DYM: variants seen among roughly 807,000 people sequenced by gnomAD.
DYM encodes the protein dymeclin, also known as dyggve-Melchior-Clausen syndrome protein.
Under a neutral mutation model 93.1 loss-of-function variants are expected in DYM, and 78 were observed. That is an observed-to-expected ratio of 0.84 (90% CI 0.70 to 1.01). The LOEUF (loss-of-function observed/expected upper bound fraction) is 1.01, where lower values mean the gene tolerates loss of function less well. DYM is among the 50% of genes least tolerant of loss of function. DYM has a pLI of 0.00. For synonymous variants in DYM, 321 were observed against 319.7 expected (o/e 1.00, Z -0.04); for missense variants, 789 against 845.0 (o/e 0.93, Z 0.82).
intron 14 of DYM, among the ~76,000 whole-genome samples, chr18:49,198,634 T>C (rs1391511628): frequency 1.3e-5 from 2 of 151,712 alleles, no homozygotes; most frequent in African/African-American, 2.4e-5. Context: ...AAAATGCTCA[T>C]CATCACTGGC....
intron 13 of DYM, among the ~76,000 whole-genome samples, chr18:49,244,510 G>A (rs2094120207): frequency 6.6e-6 from 1 of 152,182 alleles, no homozygotes; most frequent in Non-Finnish European, 1.5e-5. Flanking sequence ...AGAAGCACTG[G>A]CAAAGGAAGG....
At position 49,042,257 on chromosome 18, in the gene DYM, G is replaced by C. The variant is rs1471895693; in HGVS notation, c.*1798C>G. The C allele has an allele frequency of 6.5e-6, 1 of 152,822 alleles. No individual in the cohort carries two copies. The highest frequency in any genetic ancestry group is 2.1e-4 in the South Asian group (1 of 4,828). The allele number at this position is 152,822 out of a possible 1,614,324, so 9.5% of individuals were successfully genotyped here. On this transcript the variant is annotated 3_prime_UTR_variant, in exon 18 of 18. Transcript: ENST00000675505. ...CCCCACTCCAGCAGTGACTGGAGGA[G>C]GCCTGACAGAACAAGCCCCTTGGGG...
intron 11 of DYM, among the ~76,000 whole-genome samples, chr18:49,265,014 T>A (rs983260684): frequency 3.3e-5 from 5 of 152,224 alleles, no homozygotes; most frequent in African/African-American, 1.2e-4. Context: ...TTCATGCTCA[T>A]TAAATGCTTA....
intron 2 of DYM, among the ~76,000 whole-genome samples, chr18:49,407,111 T>C (rs1030961200): frequency 1.3e-5 from 2 of 152,188 alleles, no homozygotes; most frequent in Non-Finnish European, 2.9e-5. Flanking sequence ...TGTTACGTAA[T>C]GTAAAATTCC....
rs546658169 is a variant in DYM, at chr18:49,305,417, T to C, written c.764-18801A>G. Among the ~76,000 whole-genome samples the C allele has an allele frequency of 5.9e-5, 9 of 152,290 alleles. No homozygotes were observed. The South Asian group carries it at 1.5e-3, about 25-fold the overall frequency. ...TAGTCCCTGGGGAAACCTATTGTTC[T>C]CTTTAAACTTCTAACAACAATCCCT... On this transcript the variant is annotated intron_variant, in intron 8 of 17. Coordinates refer to ENST00000675505, the MANE Select transcript of DYM (RefSeq NM_001353214.3).
chr18:49,262,339 G>T (rs1345401785), intron 11 of DYM, among the ~76,000 whole-genome samples: 1 of 152,126 alleles, frequency 6.6e-6, no homozygotes, highest in Non-Finnish European at 1.5e-5. Flanking sequence ...CTGACACCTT[G>T]ACTTTGGACT....
intron 8 of DYM, among the ~76,000 whole-genome samples, chr18:49,311,808 T>C (rs1019620362): frequency 6.6e-6 from 1 of 151,178 alleles, no homozygotes; most frequent in African/African-American, 2.4e-5. Flanking sequence ...CACACCAACA[T>C]GGCACATGTA....
chr18:49,052,471 C>A (rs924062558), intron 17 of DYM, among the ~76,000 whole-genome samples: 1 of 152,220 alleles, frequency 6.6e-6, no homozygotes, highest in African/African-American at 2.4e-5. Context: ...TTTGTCAGGA[C>A]TGAGTCCAAG....
chr18:49,102,684 C>T (rs899828361), intron 16 of DYM, among the ~76,000 whole-genome samples: 23 of 152,150 alleles, frequency 1.5e-4, no homozygotes, highest in East Asian at 1.2e-3. Context: ...TTTGTCCTTG[C>T]GATAGTTTGC....
chr18:49,091,910 G>A (rs1184620399), intron 17 of DYM, among the ~76,000 whole-genome samples: 2 of 151,728 alleles, frequency 1.3e-5, no homozygotes, highest in Non-Finnish European at 2.9e-5. Flanking sequence ...ACTGCGCCCA[G>A]CCTTGACACA....
In DYM at chr18:49,244,558, A is replaced by G. The variant is rs190104644; in HGVS notation, c.1460+12452T>C. Among the ~76,000 whole-genome samples, 91 of 152,296 alleles carry G rather than the reference A, an allele frequency of 6.0e-4. 2 individuals are homozygous for G. The highest frequency in any genetic ancestry group is 2.2e-3 in the African/African-American group (90 of 41,572). On this transcript the variant is annotated intron_variant, in intron 13 of 17. Coordinates refer to ENST00000675505, the MANE Select transcript of DYM (RefSeq NM_001353214.3). ...AGCACAGGTGTAGGTTTAAATACCA[A>G]TGTTGTCACTGTCCATAGACAAGCT...
chr18:49,175,051 C>G (rs118097933), intron 14 of DYM, among the ~76,000 whole-genome samples: 45 of 152,206 alleles, frequency 3.0e-4, no homozygotes, highest in Non-Finnish European at 5.6e-4. Flanking sequence ...TTTTCTCTAT[C>G]AAATTATGTC....
At chr18:49,233,308 G>A (rs548276911) in intron 13 of DYM, among the ~76,000 whole-genome samples, 6 of 149,564 alleles carry the variant, frequency 4.0e-5, no homozygotes, top group Non-Finnish European at 5.9e-5. Context: ...TCAGTGAGCC[G>A]AGATCAAGCT....
chr18:49,308,288 G>GTATATATATATA (rs1340030482), intron 8 of DYM, among the ~76,000 whole-genome samples: 214 of 105,862 alleles, frequency 2.0e-3, no homozygotes, highest in African/African-American at 6.3e-3. Context: ...ACACTTGTGT[G>GTATATATATATA]TGTATATATA....
At chr18:49,404,288 G>T (rs2071202134) in intron 2 of DYM, among the ~76,000 whole-genome samples, 1 of 152,200 alleles carries the variant, frequency 6.6e-6, no homozygotes. Context: ...GATTAAAGGT[G>T]TGAGCCACCA....
intron 14 of DYM, among the ~76,000 whole-genome samples, chr18:49,183,489 C>T (rs2090123533): frequency 6.6e-6 from 1 of 152,014 alleles, no homozygotes; most frequent in African/African-American, 2.4e-5. Flanking sequence ...ACTCACTTCC[C>T]TCCCCTATAC....
chr18:49,067,006 T>C (rs1479798395), intron 17 of DYM, among the ~76,000 whole-genome samples: 1 of 152,038 alleles, frequency 6.6e-6, no homozygotes, highest in East Asian at 1.9e-4. Context: ...TACAACCGAG[T>C]TTGGAAAAAG....
chr18:49,118,128 G>C (rs779642101), intron 16 of DYM, among the ~76,000 whole-genome samples: 6 of 148,734 alleles, frequency 4.0e-5, no homozygotes, highest in Non-Finnish European at 5.9e-5. Context: ...TCCTGCCTCA[G>C]CCTCTCAAGT....
chr18:49,198,608 C>T (rs1231219939), intron 14 of DYM, among the ~76,000 whole-genome samples: 1 of 151,988 alleles, frequency 6.6e-6, no homozygotes, highest in Non-Finnish European at 1.5e-5. Context: ...ATTTATGCAG[C>T]CAAAAGACAC....
Sources: gnomAD v4.1 joint callset for allele counts (sites outside exome capture counted in the v4.1 genomes callset) on GRCh38, gnomAD v4.1.1 for gene constraint, MANE v1.5 for transcripts, NCBI Gene and HGNC (gene_info 2026-07-23, HGNC 2026-07-21) for gene names.